Variants in NEDD9 observed in about 807,000 individuals in gnomAD.
NEDD9 encodes the protein neural precursor cell expressed, developmentally down-regulated 9.
NEDD9 carries 26 observed loss-of-function variants against 76.6 expected under a neutral mutation model. The observed-to-expected ratio is 0.34, with a 90% CI of 0.25 to 0.47. NEDD9 has a LOEUF of 0.47. Ranked by LOEUF, NEDD9 falls within the 20% of genes least tolerant of loss-of-function variation. NEDD9 has a pLI of 1.00. For missense variants in NEDD9, 937 were observed against 1,058.5 expected, an observed-to-expected ratio of 0.89 and a Z score of 1.59; for synonymous variants, 392 against 414.2, an observed-to-expected ratio of 0.95 and a Z score of 0.65.
intron 1 of NEDD9, 42 bp downstream of exon 1, chr6:11,232,462 G>C (rs201278883): frequency 1.9e-6 from 3 of 1,613,138 alleles, no homozygotes; most frequent in Non-Finnish European, 2.5e-6. Context: ...CGCAGGCACA[G>C]CTTTCAGCTT....
chr6:11,244,210 C>G (rs536514849), intron 3 of NEDD9, among the ~76,000 whole-genome samples: 2 of 152,260 alleles, frequency 1.3e-5, no homozygotes, highest in African/African-American at 4.8e-5. Flanking sequence ...AGATTTTGGA[C>G]TTGGAGACAA....
intron 2 of NEDD9, among the ~76,000 whole-genome samples, chr6:11,212,335 G>T (rs1758806833): frequency 6.6e-6 from 1 of 152,162 alleles, no homozygotes; most frequent in Non-Finnish European, 1.5e-5. Context: ...CATCACCTTG[G>T]TTGTGGGTGT....
intron 2 of NEDD9, among the ~76,000 whole-genome samples, chr6:11,210,147 C>G (rs1365757086): frequency 6.6e-6 from 1 of 152,024 alleles, no homozygotes; most frequent in Non-Finnish European, 1.5e-5. Context: ...TTCTCAAAGT[C>G]TAGTCCTAGG....
intron 1 of NEDD9, among the ~76,000 whole-genome samples, chr6:11,219,939 C>T (rs943008): frequency 0.96 from 146,427 of 152,334 alleles, 70,428 homozygotes; most frequent in East Asian, 1. Context: ...TCTGGAATGT[C>T]GAATTTTTTG....
chr6:11,240,472 A>C (rs1007444445), intron 3 of NEDD9, among the ~76,000 whole-genome samples: 2 of 152,198 alleles, frequency 1.3e-5, no homozygotes, highest in African/African-American at 4.8e-5. Flanking sequence ...AGTTCTTGAT[A>C]AACCATGAAA....
At chr6:11,194,582 C>T (rs543933276) in intron 2 of NEDD9, among the ~76,000 whole-genome samples, 74 of 152,248 alleles carry the variant, frequency 4.9e-4, no homozygotes, top group Non-Finnish European at 9.4e-4. Flanking sequence ...TTCATTCTAA[C>T]GTATCAAACA....
chr6:11,263,800 A>G (rs1200340191), intron 3 of NEDD9, among the ~76,000 whole-genome samples: 1 of 152,204 alleles, frequency 6.6e-6, no homozygotes, highest in East Asian at 1.9e-4. Flanking sequence ...CTCTCAAGAA[A>G]GGAAGTTTGT....
intron 3 of NEDD9, among the ~76,000 whole-genome samples, chr6:11,266,129 T>C (rs1054184649): frequency 2.6e-5 from 4 of 152,184 alleles, no homozygotes; most frequent in Admixed American, 6.5e-5. Flanking sequence ...CCCTGACTTG[T>C]CCTCAGTGCA....
chr6:11,350,971 G>A (rs1762457430), intron 1 of NEDD9, among the ~76,000 whole-genome samples: 1 of 152,138 alleles, frequency 6.6e-6, no homozygotes, highest in African/African-American at 2.4e-5. Context: ...ATGGTAATGT[G>A]TACAACTTGT....
chr6:11,189,395 G>A (rs940183792), intron 5 of NEDD9, among the ~76,000 whole-genome samples: 1 of 152,186 alleles, frequency 6.6e-6, no homozygotes, highest in African/African-American at 2.4e-5. Flanking sequence ...GCTAGCTAAT[G>A]CCCAGTGGTC....
chr6:11,345,714 T>G (rs1204409499), intron 1 of NEDD9, among the ~76,000 whole-genome samples: 1 of 152,144 alleles, frequency 6.6e-6, no homozygotes, highest in Non-Finnish European at 1.5e-5. Flanking sequence ...TCAACACTGG[T>G]AGAGGACTTT....
intron 1 of NEDD9, among the ~76,000 whole-genome samples, chr6:11,380,821 C>A (rs1057498297): frequency 6.6e-6 from 1 of 151,996 alleles, no homozygotes; most frequent in African/African-American, 2.4e-5. Flanking sequence ...TCTTCTTCTT[C>A]TTCTTGAGAC....
chr6:11,277,396 T>C (rs953023972), intron 3 of NEDD9, among the ~76,000 whole-genome samples: 8 of 151,920 alleles, frequency 5.3e-5, no homozygotes, highest in African/African-American at 1.9e-4. Flanking sequence ...AAGAGAGAGG[T>C]GGCGTTTGGG....
chr6:11,285,891 A>C (rs1346371627), intron 3 of NEDD9, among the ~76,000 whole-genome samples: 1 of 152,150 alleles, frequency 6.6e-6, no homozygotes, highest in Non-Finnish European at 1.5e-5. Context: ...AAAACCTAAA[A>C]CTATAAAAAT....
intron 1 of NEDD9, among the ~76,000 whole-genome samples, chr6:11,364,076 G>A (rs1762721532): frequency 2.0e-5 from 3 of 152,180 alleles, no homozygotes; most frequent in Non-Finnish European, 2.9e-5. Flanking sequence ...TTAACTGTGT[G>A]TGCAAACAAC....
chr6:11,232,702 C>T, upstream of NEDD9: 1 of 1,443,184 alleles, frequency 6.9e-7, no homozygotes, highest in South Asian at 1.4e-5. Flanking sequence ...AGGCTGATCG[C>T]GGACCTCATT....
chr6:11,320,127 CT>C (rs1395554769), intron 2 of NEDD9, among the ~76,000 whole-genome samples: 2 of 152,230 alleles, frequency 1.3e-5, no homozygotes, highest in African/African-American at 2.4e-5. Flanking sequence ...TGTCCTTCTT[CT>C]TACAGTGACC....
At chr6:11,355,782 G>A (rs896051508) in intron 1 of NEDD9, among the ~76,000 whole-genome samples, 13 of 151,858 alleles carry the variant, frequency 8.6e-5, no homozygotes, top group East Asian at 1.9e-4. Flanking sequence ...GGGCAGTGGC[G>A]CGATCTCCGC....
At chr6:11,249,347 G>A (rs1759869246) in intron 3 of NEDD9, 1 of 376,628 alleles carries the variant, frequency 2.7e-6, no homozygotes, top group Non-Finnish European at 5.2e-6. Flanking sequence ...GTTGGTTCAG[G>A]GCTCTATAAA....
Sources: allele counts gnomAD v4.1 joint callset (sites outside exome capture counted in the v4.1 genomes callset), GRCh38; gene constraint gnomAD v4.1.1; transcripts MANE v1.5; gene names NCBI Gene and HGNC (gene_info 2026-07-23, HGNC 2026-07-21).